Variants in CHD9 observed in about 807,000 individuals in gnomAD.
CHD9 encodes the protein chromodomain helicase DNA binding protein 9.
CHD9 carries 77 observed loss-of-function variants against 316.1 expected under a neutral mutation model. The ratio of observed to expected loss-of-function variants is 0.24; its 90% CI spans 0.20 to 0.29. The LOEUF (loss-of-function observed/expected upper bound fraction) is 0.29. Among genes scored for constraint, CHD9 ranks in the 10% least tolerant of loss-of-function variants. The probability of loss-of-function intolerance (pLI) is 1.00; values close to 1 mark genes in which losing one functional copy is unlikely to be tolerated. For synonymous variants in CHD9, 1,129 were observed against 1,158.3 expected (o/e 0.97, Z 0.51); for missense variants, 2,763 against 3,438.1 (o/e 0.80, Z 4.91).
intron 2 of CHD9, among the ~76,000 whole-genome samples, chr16:53,180,892 G>A (rs2043454745): frequency 6.6e-6 from 1 of 151,364 alleles, no homozygotes; most frequent in South Asian, 2.1e-4. Flanking sequence ...AGCCAGGTTG[G>A]TCTCAATCTC....
At chr16:53,191,735 C>T (rs981543791) in intron 2 of CHD9, among the ~76,000 whole-genome samples, 1 of 152,014 alleles carries the variant, frequency 6.6e-6, no homozygotes, top group Non-Finnish European at 1.5e-5. Context: ...TAAGAACATT[C>T]AAGTTCAGTC....
chr16:53,196,877 C>T (rs2044971322), intron 2 of CHD9, among the ~76,000 whole-genome samples: 1 of 152,044 alleles, frequency 6.6e-6, no homozygotes, highest in South Asian at 2.1e-4. Flanking sequence ...ATATTTGTAC[C>T]TTCAGTTTTC....
chr16:53,171,607 T>C (rs1419655609), intron 2 of CHD9, among the ~76,000 whole-genome samples: 1 of 151,954 alleles, frequency 6.6e-6, no homozygotes, highest in Non-Finnish European at 1.5e-5. Context: ...ACTAACACTT[T>C]GGGAGGCCGA....
At chr16:53,100,834 C>T (rs2036810076) in intron 1 of CHD9, among the ~76,000 whole-genome samples, 1 of 152,216 alleles carries the variant, frequency 6.6e-6, no homozygotes, top group Admixed American at 6.5e-5. Context: ...AGGCCTCTGT[C>T]TCCAATCTGT....
chr16:53,261,145 C>T (rs186210526), intron 19 of CHD9, among the ~76,000 whole-genome samples: 21 of 150,016 alleles, frequency 1.4e-4, no homozygotes, highest in Admixed American at 1.3e-3. Flanking sequence ...ACATTTGTTC[C>T]TGTCATTTCT....
chr16:53,262,880 G>A, intron 19 of CHD9, 107 bp from the exon 20 acceptor site: 2 of 875,504 alleles, frequency 2.3e-6, no homozygotes, highest in Non-Finnish European at 3.7e-6. Context: ...ACCCTTTGAT[G>A]TATGAGTATG....
At chr16:53,218,048 G>C (rs969977163) in intron 3 of CHD9, among the ~76,000 whole-genome samples, 1 of 151,190 alleles carries the variant, frequency 6.6e-6, no homozygotes, top group South Asian at 2.1e-4. Context: ...AGTCAAAAAT[G>C]ATTTCAGAAT....
intron 1 of CHD9, among the ~76,000 whole-genome samples, chr16:53,149,194 A>G (rs2040883413): frequency 6.6e-6 from 1 of 152,182 alleles, no homozygotes; most frequent in Non-Finnish European, 1.5e-5. Context: ...ATCCTGGAGA[A>G]TGTTTCATCT....
chr16:53,201,364 T>C (rs968831491), intron 2 of CHD9, among the ~76,000 whole-genome samples: 1 of 152,240 alleles, frequency 6.6e-6, no homozygotes, highest in South Asian at 2.1e-4. Flanking sequence ...AAATATTTTA[T>C]CAATTATTCT....
intron 10 of CHD9, among the ~76,000 whole-genome samples, chr16:53,234,848 T>G (rs1234449605): frequency 1.3e-5 from 2 of 152,142 alleles, no homozygotes; most frequent in African/African-American, 4.8e-5. Flanking sequence ...GTCATGATCT[T>G]ATTGCCCTTA....
chr16:53,174,218 A>G (rs1480311797), intron 2 of CHD9, among the ~76,000 whole-genome samples: 1 of 152,200 alleles, frequency 6.6e-6, no homozygotes, highest in African/African-American at 2.4e-5. Flanking sequence ...CAGGATGTTG[A>G]GGCTGCAGTG....
chr16:53,159,674 A>G (rs1289782021), intron 2 of CHD9, among the ~76,000 whole-genome samples: 4 of 152,130 alleles, frequency 2.6e-5, no homozygotes, highest in African/African-American at 9.7e-5. Context: ...CACTGACACA[A>G]TTTCCACTCA....
chr16:53,071,438 C>T (rs1381984453), intron 1 of CHD9, among the ~76,000 whole-genome samples: 2 of 152,144 alleles, frequency 1.3e-5, no homozygotes, highest in Non-Finnish European at 2.9e-5. Flanking sequence ...AGCCCCTACC[C>T]ATTCACCCCA....
At position 53,173,670 on chromosome 16, in the gene CHD9, G is replaced by A. The variant is rs572205577; in HGVS notation, c.1452+16129G>A. 4.6e-5 allele frequency among the ~76,000 whole-genome samples: 7 copies of A among 151,964 alleles called. No homozygotes were observed. The South Asian group carries it at 1.5e-3, about 32-fold the overall frequency. ...CACCATTCTCCTGCCTCAGCCTCCA[G>A]AGTAGCTGGGACTACGGGTGCCCGC... On this transcript the variant is annotated intron_variant, in intron 2 of 38. Coordinates refer to ENST00000447540, the MANE Select transcript of CHD9 (RefSeq NM_001308319.2).
chr16:53,114,383 G>A (rs548011047), intron 1 of CHD9, among the ~76,000 whole-genome samples: 115 of 151,800 alleles, frequency 7.6e-4, no homozygotes, highest in African/African-American at 2.5e-3. Flanking sequence ...TCAGCCTCCC[G>A]AGTGGCTGGG....
intron 1 of CHD9, among the ~76,000 whole-genome samples, chr16:53,150,559 T>G (rs1200692018): frequency 6.6e-6 from 1 of 152,218 alleles, no homozygotes; most frequent in Non-Finnish European, 1.5e-5. Context: ...CCTATATAAT[T>G]ACCTTTAGCA....
At chr16:53,222,301 C>T (rs900242497) in intron 3 of CHD9, among the ~76,000 whole-genome samples, 3 of 152,046 alleles carry the variant, frequency 2.0e-5, no homozygotes, top group Non-Finnish European at 4.4e-5. Flanking sequence ...GTCTCGAACT[C>T]CTAACCTTTT....
At chr16:53,159,607 C>T (rs1024114189) in intron 2 of CHD9, among the ~76,000 whole-genome samples, 2 of 151,826 alleles carry the variant, frequency 1.3e-5, no homozygotes, top group African/African-American at 2.4e-5. Flanking sequence ...GACTATAGTT[C>T]TATTTCTTTT....
intron 2 of CHD9, among the ~76,000 whole-genome samples, chr16:53,158,995 C>T (rs879361405): frequency 1.3e-5 from 2 of 151,906 alleles, no homozygotes; most frequent in African/African-American, 2.4e-5. Flanking sequence ...TGTATATGGG[C>T]CAGTTATGTT....
Sources: allele counts gnomAD v4.1 joint callset (sites outside exome capture counted in the v4.1 genomes callset), GRCh38; gene constraint gnomAD v4.1.1; transcripts MANE v1.5; gene names NCBI Gene and HGNC (gene_info 2026-07-23, HGNC 2026-07-21).